BCAS3: variants seen among roughly 807,000 people sequenced by gnomAD.
BCAS3 encodes the protein BCAS4/BCAS3 fusion.
In BCAS3, 53 loss-of-function variants were observed where a neutral mutation model predicts 116.1. That is an observed-to-expected ratio of 0.46 (90% confidence interval 0.37 to 0.57). BCAS3 has a LOEUF of 0.57. BCAS3 is among the 20% of genes least tolerant of loss of function. The probability of loss-of-function intolerance (pLI) is 0.00; values close to 1 mark genes in which losing one functional copy is unlikely to be tolerated. For synonymous variants in BCAS3, 391 were observed against 408.2 expected (o/e 0.96, Z 0.51); for missense variants, 917 against 1,165.4 (o/e 0.79, Z 3.10).
At chr17:61,298,824 T>TTATTTATTA (rs879747122) in intron 22 of BCAS3, among the ~76,000 whole-genome samples, 2 of 140,054 alleles carry the variant, frequency 1.4e-5, no homozygotes, top group African/African-American at 5.5e-5. Flanking sequence ...ATTTATTTAT[T>TTATTTATTA]ATTATTATTA....
intron 12 of BCAS3, among the ~76,000 whole-genome samples, chr17:60,915,713 C>T (rs951341134): frequency 2.7e-5 from 4 of 148,500 alleles, no homozygotes; most frequent in Admixed American, 1.3e-4. Flanking sequence ...GACAGAGTCT[C>T]ACTCTGTCGC....
In BCAS3 at chr17:61,141,056, C is replaced by T. The variant is rs970977464; in HGVS notation, c.2425+56492C>T. Among the ~76,000 whole-genome samples the T allele has an allele frequency of 3.3e-5, 5 of 152,210 alleles. No individual in the cohort carries two copies. In the South Asian group the frequency reaches 1.0e-3, roughly 32 times the overall value. On this transcript the variant is annotated intron_variant, in intron 22 of 23. Coordinates refer to ENST00000407086, the MANE Select transcript of BCAS3 (RefSeq NM_017679.5). The surrounding 1 kb of genome is among the most constrained non-coding windows in gnomAD (Gnocchi z 4.3). ...ATCATGTCTCTTTATCCTGATTCACCTGTACAGCGGGACTAGGCTGGTTCA... is the reference window on the plus strand; with the variant it reads ...ATCATGTCTCTTTATCCTGATTCACTTGTACAGCGGGACTAGGCTGGTTCA...
intron 7 of BCAS3, among the ~76,000 whole-genome samples, chr17:60,860,557 A>G (rs1346578509): frequency 6.6e-6 from 1 of 152,198 alleles, no homozygotes; most frequent in Non-Finnish European, 1.5e-5. Context: ...TTGCCAGGGC[A>G]TGTGTCCAGA....
rs928900883 is a variant in BCAS3 at position 61,226,836 on chromosome 17, C to G, written c.2426-141491C>G. Among the ~76,000 whole-genome samples, 1 of 152,196 alleles carries G rather than the reference C, an allele frequency of 6.6e-6. No homozygotes were observed. The highest frequency in any genetic ancestry group is 1.5e-5 in the Non-Finnish European group (1 of 68,044). ...TGTATCACATTTACGTATTAGGGAACTGAGCTTCAGAGAGAACCACATTTG... is the reference window on the plus strand; with the variant it reads ...TGTATCACATTTACGTATTAGGGAAGTGAGCTTCAGAGAGAACCACATTTG... On this transcript the variant is annotated intron_variant, in intron 22 of 23. Coordinates refer to ENST00000407086, the MANE Select transcript of BCAS3 (RefSeq NM_017679.5). This position sits in a 1 kb window ranked among gnomAD's most constrained non-coding sequence, Gnocchi z 6.0.
chr17:61,348,397 C>T lies in BCAS3; in HGVS notation c.2426-19930C>T, dbSNP rs2057633257. On this transcript the variant is annotated intron_variant, in intron 22 of 23. Coordinates refer to ENST00000407086, the MANE Select transcript of BCAS3 (RefSeq NM_017679.5). This position sits in a 1 kb window ranked among gnomAD's most constrained non-coding sequence, Gnocchi z 4.5. ...GATGGTTTTGGAGCCCAGGAGAGAC[C>T]TGAGTTAGAGGTGCAGTTTTGGAAG... Among the ~76,000 whole-genome samples the T allele has an allele frequency of 6.6e-6, 1 of 152,064 alleles. No homozygotes were observed. Among genetic ancestry groups the T allele is most frequent in the African/African-American group, 2.4e-5 (1 of 41,382 alleles).
chr17:60,796,315 T>C (rs147856744), intron 6 of BCAS3, among the ~76,000 whole-genome samples: 1 of 152,358 alleles, frequency 6.6e-6, no homozygotes, highest in African/African-American at 2.4e-5. Flanking sequence ...TACCAATTCT[T>C]TGAATGTCTA....
intron 8 of BCAS3, among the ~76,000 whole-genome samples, chr17:60,873,113 A>G (rs1216130062): frequency 6.6e-6 from 1 of 152,154 alleles, no homozygotes; most frequent in Non-Finnish European, 1.5e-5. Flanking sequence ...GTAATTCTAA[A>G]ATTTGATATT....
At position 61,139,963 on chromosome 17, in the gene BCAS3, C is replaced by T. The variant is rs1220650752; in HGVS notation, c.2425+55399C>T. On this transcript the variant is annotated intron_variant, in intron 22 of 23. Coordinates refer to ENST00000407086, the MANE Select transcript of BCAS3 (RefSeq NM_017679.5). This position sits in a 1 kb window ranked among gnomAD's most constrained non-coding sequence, Gnocchi z 4.7. ...AGACACAAAGTGATATGACCGGGCA[C>T]AGTGGCTCACGCCTGTAATCCCAGC... 5.9e-5 allele frequency among the ~76,000 whole-genome samples: 9 copies of T among 152,138 alleles called. No homozygotes were observed. Among genetic ancestry groups the T allele is most frequent in the Non-Finnish European group, 2.9e-5 (2 of 68,024 alleles).
At chr17:61,147,123 G>GT in intron 22 of BCAS3, among the ~76,000 whole-genome samples, 1 of 152,076 alleles carries the variant, frequency 6.6e-6, no homozygotes, top group South Asian at 2.1e-4. Flanking sequence ...TGCCCAAGCT[G>GT]GAGTGCAGTG....
chr17:60,957,581 T>G (rs930393773), intron 14 of BCAS3, among the ~76,000 whole-genome samples: 2 of 152,214 alleles, frequency 1.3e-5, no homozygotes, highest in African/African-American at 4.8e-5. Flanking sequence ...TTCAGTGGTT[T>G]TTGTTATGTT....
chr17:60,714,542 A>G (rs1387808911), intron 5 of BCAS3, among the ~76,000 whole-genome samples: 1 of 152,002 alleles, frequency 6.6e-6, no homozygotes, highest in African/African-American at 2.4e-5. Flanking sequence ...AATCCCAGCT[A>G]CTTTGGAGGC....
At chr17:60,802,154 C>T (rs1407445081) in intron 6 of BCAS3, among the ~76,000 whole-genome samples, 3 of 151,414 alleles carry the variant, frequency 2.0e-5, no homozygotes, top group Non-Finnish European at 4.4e-5. Context: ...CATGGTGGCA[C>T]GTGCCTGTAG....
chr17:61,391,746 A>G lies in BCAS3; in HGVS notation c.2594-231A>G. ...CTAAAGGGCTTCCCGCAGCAGGGAGACGGTGCTCTCACACCAGAGTCTGCC... is the reference window on the plus strand; with the variant it reads ...CTAAAGGGCTTCCCGCAGCAGGGAGGCGGTGCTCTCACACCAGAGTCTGCC... On this transcript the variant is annotated intron_variant, in intron 23 of 23. Transcript: ENST00000407086. This position sits in a 1 kb window ranked among gnomAD's most constrained non-coding sequence, Gnocchi z 7.7. 1.8e-6 allele frequency: 1 copy of G among 551,734 alleles called. No individual in the cohort carries two copies. The highest frequency in any genetic ancestry group is 2.2e-5 in the South Asian group (1 of 45,568). 34.2% of individuals were successfully genotyped at this position (551,734 alleles called of 1,614,324 possible).
At chr17:61,067,273 G>GTATATATATA (rs1199603635) in intron 19 of BCAS3, among the ~76,000 whole-genome samples, 1,082 of 58,684 alleles carry the variant, frequency 0.018, 35 homozygotes, top group South Asian at 0.023. Flanking sequence ...GTGTGTATGT[G>GTATATATATA]TATATATATA....
Position 61,387,811 on chromosome 17 carries a change from C to T in BCAS3, c.2594-4166C>T, listed in dbSNP as rs1023282550. Among the ~76,000 whole-genome samples, 2 of 152,130 alleles carry T rather than the reference C, an allele frequency of 1.3e-5. No individual in the cohort carries two copies. Among genetic ancestry groups the T allele is most frequent in the Non-Finnish European group, 2.9e-5 (2 of 68,018 alleles). On this transcript the variant is annotated intron_variant, in intron 23 of 23. Coordinates refer to ENST00000407086, the MANE Select transcript of BCAS3 (RefSeq NM_017679.5). This position sits in a 1 kb window ranked among gnomAD's most constrained non-coding sequence, Gnocchi z 6.2. ...GAAGAACCAGAGCTAGTGGTTGCTT[C>T]GTCTTCCTTGGTTTTGCTCTCTGCA...
chr17:60,860,977 T>G (rs2054108940), intron 7 of BCAS3, among the ~76,000 whole-genome samples: 1 of 152,212 alleles, frequency 6.6e-6, no homozygotes, highest in Non-Finnish European at 1.5e-5. Context: ...TTCAGGCTCT[T>G]TTTTGGTCTC....
chr17:60,890,507 C>T (rs915963024), intron 10 of BCAS3, among the ~76,000 whole-genome samples: 2 of 151,788 alleles, frequency 1.3e-5, no homozygotes, highest in African/African-American at 4.8e-5. Context: ...ATGCTAACAA[C>T]TATATCTAAA....
intron 22 of BCAS3, among the ~76,000 whole-genome samples, chr17:61,102,363 A>T (rs1253323525): frequency 6.6e-6 from 1 of 152,178 alleles, no homozygotes; most frequent in Non-Finnish European, 1.5e-5. Flanking sequence ...ATATTAAATG[A>T]TATATAATGA....
Position 60,990,363 on chromosome 17 carries a change from A to G in BCAS3, c.1486+128A>G. 1 of 958,052 alleles carries G rather than the reference A, an allele frequency of 1.0e-6. No individual in the cohort carries two copies. Among genetic ancestry groups the G allele is most frequent in the Non-Finnish European group, 1.5e-6 (1 of 672,200 alleles). 59.3% of individuals were successfully genotyped at this position (958,052 alleles called of 1,614,324 possible). A position where few individuals can be genotyped will look rare whatever the true frequency, so the allele number is the denominator to read the frequency against. On this transcript the variant is annotated intron_variant, in intron 15 of 23. Coordinates refer to ENST00000407086, the MANE Select transcript of BCAS3 (RefSeq NM_017679.5). The surrounding 1 kb of genome is among the most constrained non-coding windows in gnomAD (Gnocchi z 5.1). ...AAAAGAAGATCTTAGGCTTATATGA[A>G]ATTCTTAATTATTAAATAATTTAAT... is the stretch of plus-strand genomic sequence containing the variant.
Sources: gnomAD v4.1 joint callset for allele counts (sites outside exome capture counted in the v4.1 genomes callset) on GRCh38, gnomAD v4.1.1 for gene constraint, Gnocchi (gnomAD v3.1) non-coding constraint, MANE v1.5 for transcripts, NCBI Gene and HGNC (gene_info 2026-07-23, HGNC 2026-07-21) for gene names.